SDCCAG8: variants seen among roughly 807,000 people sequenced by gnomAD.
SDCCAG8 encodes serologically defined colon cancer antigen 8.
In SDCCAG8, 74 loss-of-function variants were observed where a neutral mutation model predicts 101.8. The ratio of observed to expected loss-of-function variants is 0.73; its 90% confidence interval spans 0.60 to 0.88. SDCCAG8 has a LOEUF of 0.88. Ranked by LOEUF, SDCCAG8 falls within the 40% of genes least tolerant of loss-of-function variation. The pLI is 0.00. For synonymous variants in SDCCAG8, 281 were observed against 292.9 expected, an observed-to-expected ratio of 0.96 and a Z score of 0.41; for missense variants, 787 against 822.6, an observed-to-expected ratio of 0.96 and a Z score of 0.53.
chr1:243,430,667 T>C (rs1349805794), intron 16 of SDCCAG8, among the ~76,000 whole-genome samples: 1 of 151,716 alleles, frequency 6.6e-6, no homozygotes. Context: ...CTGGATCTCC[T>C]GACCTCGTGA....
At chr1:243,447,957 C>T (rs904942346) in intron 16 of SDCCAG8, among the ~76,000 whole-genome samples, 4 of 152,162 alleles carry the variant, frequency 2.6e-5, no homozygotes, top group Non-Finnish European at 5.9e-5. Flanking sequence ...TAAATAGTTT[C>T]TGCGTGGCTT....
At chr1:243,304,038 A>C (rs545552694) in intron 6 of SDCCAG8, among the ~76,000 whole-genome samples, 1 of 151,884 alleles carries the variant, frequency 6.6e-6, no homozygotes, top group East Asian at 1.9e-4. Flanking sequence ...GCGCCACTGC[A>C]CTCCAGCCTT....
At chr1:243,432,415 A>G (rs1054917941) in intron 16 of SDCCAG8, among the ~76,000 whole-genome samples, 1 of 152,182 alleles carries the variant, frequency 6.6e-6, no homozygotes, top group Non-Finnish European at 1.5e-5. Flanking sequence ...GATCAGGACA[A>G]ATAACTAATG....
At chr1:243,323,427 A>G (rs901044272) in intron 9 of SDCCAG8, among the ~76,000 whole-genome samples, 2 of 151,450 alleles carry the variant, frequency 1.3e-5, no homozygotes, top group African/African-American at 2.4e-5. Context: ...TGGCCCTCTT[A>G]TTTCCCAAGA....
chr1:243,332,385 GA>G (rs1178867332), intron 10 of SDCCAG8, among the ~76,000 whole-genome samples: 5 of 152,264 alleles, frequency 3.3e-5, no homozygotes, highest in Admixed American at 2.6e-4. Context: ...AGGAGAAGCA[GA>G]ATAGATGCCT....
In SDCCAG8 at chr1:243,289,719, C is replaced by A. The variant is rs2070029253; in HGVS notation, c.546+3322C>A. On this transcript the variant is annotated intron_variant, in intron 5 of 17. Transcript: ENST00000366541. ...GCAAAGCAAGGATTCAAACCCAGGA[C>A]TATCTAATTCTCTAAATACACCCCG... 2.0e-5 allele frequency among the ~76,000 whole-genome samples: 3 copies of A among 152,178 alleles called. No homozygotes were observed. The South Asian group carries it at 6.2e-4, about 32-fold the overall frequency.
intron 4 of SDCCAG8, among the ~76,000 whole-genome samples, chr1:243,275,263 CTTTT>C (rs921788220): frequency 6.7e-6 from 1 of 149,694 alleles, no homozygotes; most frequent in Admixed American, 6.7e-5. Context: ...TCGTGTTTTA[CTTTT>C]TTTTTTCTGT....
chr1:243,410,228 A>G (rs1216642666), intron 13 of SDCCAG8, among the ~76,000 whole-genome samples: 1 of 152,184 alleles, frequency 6.6e-6, no homozygotes, highest in Non-Finnish European at 1.5e-5. Context: ...ATTGGTGAAT[A>G]CTACCAAAGA....
chr1:243,328,396 A>G (rs1558302355), intron 9 of SDCCAG8, among the ~76,000 whole-genome samples: 1 of 152,088 alleles, frequency 6.6e-6, no homozygotes, highest in African/African-American at 2.4e-5. Context: ...CTCCTGCCTC[A>G]GCCTCCCTAG....
intron 16 of SDCCAG8, among the ~76,000 whole-genome samples, chr1:243,484,685 C>G (rs1191365335): frequency 6.6e-6 from 1 of 152,196 alleles, no homozygotes; most frequent in Non-Finnish European, 1.5e-5. Flanking sequence ...TGGCCGGGAA[C>G]CGCCCGAGAG....
intron 1 of SDCCAG8, among the ~76,000 whole-genome samples, chr1:243,259,646 C>T (rs890954699): frequency 4.0e-5 from 6 of 151,342 alleles, no homozygotes; most frequent in African/African-American, 9.7e-5. Context: ...ATGGAGAAAC[C>T]CTGTCTCTAC....
intron 9 of SDCCAG8, among the ~76,000 whole-genome samples, chr1:243,324,459 CTTTTTTTTTT>C (rs34446782): frequency 1.1e-5 from 1 of 87,018 alleles, no homozygotes; most frequent in African/African-American, 4.7e-5. Context: ...TCTTCACATG[CTTTTTTTTTT>C]TTTTTTTTTT....
chr1:243,346,670 TTTC>T (rs1449666508), intron 12 of SDCCAG8, among the ~76,000 whole-genome samples: 1 of 152,180 alleles, frequency 6.6e-6, no homozygotes, highest in Non-Finnish European at 1.5e-5. Flanking sequence ...ACTTTCTTCT[TTTC>T]TTCTTTATAT....
chr1:243,481,004 G>A (rs1013382610), intron 16 of SDCCAG8, among the ~76,000 whole-genome samples: 1 of 151,960 alleles, frequency 6.6e-6, no homozygotes, highest in African/African-American at 2.4e-5. Flanking sequence ...CACCCACTGA[G>A]AGGGTCACAG....
intron 11 of SDCCAG8, among the ~76,000 whole-genome samples, chr1:243,342,672 A>T (rs2075446920): frequency 6.6e-6 from 1 of 152,212 alleles, no homozygotes; most frequent in Non-Finnish European, 1.5e-5. Flanking sequence ...TTGAGAAAGA[A>T]AATAAAGTAT....
intron 8 of SDCCAG8, among the ~76,000 whole-genome samples, chr1:243,309,436 C>T (rs1220331762): frequency 6.6e-6 from 1 of 152,176 alleles, no homozygotes; most frequent in African/African-American, 2.4e-5. Context: ...ACCTTCTATA[C>T]TCCCAAGAAT....
chr1:243,257,188 C>T (rs1431535747), intron 1 of SDCCAG8, among the ~76,000 whole-genome samples: 1 of 152,140 alleles, frequency 6.6e-6, no homozygotes, highest in Non-Finnish European at 1.5e-5. Context: ...TTATATGGGA[C>T]ATATGTGTAC....
intron 13 of SDCCAG8, among the ~76,000 whole-genome samples, chr1:243,386,189 G>A (rs2078276197): frequency 6.6e-6 from 1 of 152,104 alleles, no homozygotes; most frequent in Admixed American, 6.5e-5. Context: ...TTACAGCTGA[G>A]GCAACTAAGG....
intron 12 of SDCCAG8, among the ~76,000 whole-genome samples, chr1:243,375,228 C>CT (rs769037973): frequency 3.3e-5 from 5 of 152,044 alleles, no homozygotes; most frequent in African/African-American, 9.7e-5. Context: ...ATAAGTTTGT[C>CT]TTTTAAAAAT....
Sources: gnomAD v4.1 joint callset for allele counts (sites outside exome capture counted in the v4.1 genomes callset) on GRCh38, gnomAD v4.1.1 for gene constraint, MANE v1.5 for transcripts, NCBI Gene and HGNC (gene_info 2026-07-23, HGNC 2026-07-21) for gene names.